Variants in CSMD3 observed in about 807,000 individuals in gnomAD.
The protein encoded by CSMD3 is CUB and sushi domain-containing protein 3.
CSMD3 carries 177 observed loss-of-function variants against 435.2 expected under a neutral mutation model. That is an observed-to-expected ratio of 0.41 (90% confidence interval 0.36 to 0.46). The LOEUF is 0.46. Ranked by LOEUF, CSMD3 falls within the 20% of genes least tolerant of loss-of-function variation. The pLI is 0.34. For synonymous variants in CSMD3, 1,656 were observed against 1,520.5 expected (o/e 1.09, Z -2.07); for missense variants, 4,265 against 4,504.6 (o/e 0.95, Z 1.52).
intron 2 of CSMD3, among the ~76,000 whole-genome samples, chr8:113,305,310 A>C (rs1423891266): frequency 6.6e-6 from 1 of 152,120 alleles, no homozygotes; most frequent in African/African-American, 2.4e-5. Flanking sequence ...ATAATAATAA[A>C]TAAATTTTTA....
chr8:112,254,114 C>T (rs7830950), intron 63 of CSMD3, 139 bp downstream of exon 63: 428,175 of 711,392 alleles, frequency 0.6, 133,094 homozygotes, highest in African/African-American at 0.89. Context: ...CACTCTTTTG[C>T]TGTCTGTTAC....
intron 57 of CSMD3, among the ~76,000 whole-genome samples, chr8:112,287,495 G>C (rs1307869994): frequency 2.0e-5 from 3 of 151,982 alleles, no homozygotes; most frequent in Non-Finnish European, 4.4e-5. Flanking sequence ...ATAGGTTAAG[G>C]ATATTTCATA....
intron 38 of CSMD3, among the ~76,000 whole-genome samples, chr8:112,361,012 G>A (rs573136055): frequency 1.5e-4 from 23 of 151,762 alleles, no homozygotes; most frequent in African/African-American, 5.6e-4. Context: ...AATATCTTTG[G>A]GAATTATTTT....
intron 23 of CSMD3, among the ~76,000 whole-genome samples, chr8:112,580,097 T>A (rs529536373): frequency 6.6e-6 from 1 of 152,142 alleles, no homozygotes; most frequent in Admixed American, 6.6e-5. Context: ...ACAGCAACAA[T>A]GAAAACAGAA....
At chr8:112,922,017 T>TA (rs1564107454) in intron 9 of CSMD3, among the ~76,000 whole-genome samples, 1 of 152,066 alleles carries the variant, frequency 6.6e-6, no homozygotes, top group African/African-American at 2.4e-5. Flanking sequence ...AAAATGTGGC[T>TA]ATTCTGACTT....
intron 45 of CSMD3, among the ~76,000 whole-genome samples, chr8:112,327,066 T>TGTTTTAC (rs1645815660): frequency 1.3e-5 from 2 of 152,074 alleles, no homozygotes. Context: ...TGGATATCCT[T>TGTTTTAC]GTTTTACATT....
chr8:112,660,744 T>C, intron 17 of CSMD3, among the ~76,000 whole-genome samples: 1 of 152,234 alleles, frequency 6.6e-6, no homozygotes, highest in East Asian at 1.9e-4. Flanking sequence ...ATATGTGATA[T>C]AAATGTGCTC....
At chr8:112,586,704 G>T (rs953247896) in intron 23 of CSMD3, among the ~76,000 whole-genome samples, 2 of 150,890 alleles carry the variant, frequency 1.3e-5, no homozygotes, top group African/African-American at 4.8e-5. Context: ...ATTTCTTAAA[G>T]AAATGACTAT....
At chr8:112,791,326 A>G (rs996715366) in intron 13 of CSMD3, among the ~76,000 whole-genome samples, 13 of 150,458 alleles carry the variant, frequency 8.6e-5, no homozygotes, top group African/African-American at 2.9e-4. Flanking sequence ...TGTGAAAAAA[A>G]AAAAAAAAAA....
intron 59 of CSMD3, among the ~76,000 whole-genome samples, chr8:112,269,491 C>A (rs764465516): frequency 1.3e-5 from 2 of 152,100 alleles, no homozygotes; most frequent in Non-Finnish European, 2.9e-5. Flanking sequence ...AAGCACATGT[C>A]TTTTCAGACC....
At chr8:112,886,914 TA>T (rs764530635) in intron 10 of CSMD3, among the ~76,000 whole-genome samples, 11 of 151,656 alleles carry the variant, frequency 7.3e-5, no homozygotes, top group Admixed American at 1.3e-4. Context: ...TATTATTACA[TA>T]TTTTTTTTCC....
intron 10 of CSMD3, among the ~76,000 whole-genome samples, chr8:112,919,783 C>T (rs1236628696): frequency 1.3e-5 from 2 of 151,776 alleles, no homozygotes; most frequent in Non-Finnish European, 2.9e-5. Context: ...ACTGCCATGA[C>T]ATTCATGAAA....
intron 3 of CSMD3, among the ~76,000 whole-genome samples, chr8:113,204,005 T>C (rs1247062992): frequency 1.3e-5 from 2 of 152,100 alleles, no homozygotes; most frequent in Admixed American, 6.6e-5. Context: ...AACCTCTATT[T>C]CCCCCCTATA....
chr8:112,472,039 A>G (rs930022458), intron 32 of CSMD3, among the ~76,000 whole-genome samples: 1 of 152,186 alleles, frequency 6.6e-6, no homozygotes, highest in African/African-American at 2.4e-5. Flanking sequence ...TTGTCTTCTT[A>G]GTGCCAATGC....
intron 28 of CSMD3, among the ~76,000 whole-genome samples, chr8:112,515,034 G>T (rs1207769368): frequency 6.6e-6 from 1 of 151,744 alleles, no homozygotes; most frequent in Non-Finnish European, 1.5e-5. Flanking sequence ...ACTTAAGTAA[G>T]ACTTAGTACT....
chr8:113,301,954 C>T (rs1335424152), intron 2 of CSMD3, among the ~76,000 whole-genome samples: 1 of 151,434 alleles, frequency 6.6e-6, no homozygotes, highest in Non-Finnish European at 1.5e-5. Context: ...TTTTCTTATA[C>T]CCTTTAACCT....
chr8:112,462,326 G>A (rs1817532768), intron 32 of CSMD3, among the ~76,000 whole-genome samples: 1 of 152,232 alleles, frequency 6.6e-6, no homozygotes. Flanking sequence ...AATGGGGAAA[G>A]TACTAATATG....
intron 32 of CSMD3, among the ~76,000 whole-genome samples, chr8:112,470,648 T>C (rs1346672286): frequency 6.6e-6 from 1 of 152,018 alleles, no homozygotes; most frequent in Non-Finnish European, 1.5e-5. Flanking sequence ...GTATATAATA[T>C]ATATATCTCA....
chr8:113,201,160 C>T (rs533524393), intron 3 of CSMD3, among the ~76,000 whole-genome samples: 2 of 151,872 alleles, frequency 1.3e-5, no homozygotes, highest in Non-Finnish European at 2.9e-5. Flanking sequence ...CATAGCTCTG[C>T]TAAAAGGATT....
Sources: gnomAD v4.1 joint callset for allele counts (sites outside exome capture counted in the v4.1 genomes callset) on GRCh38, gnomAD v4.1.1 for gene constraint, MANE v1.5 for transcripts, NCBI Gene and HGNC (gene_info 2026-07-23, HGNC 2026-07-21) for gene names.